SFSWAP: variants seen among roughly 807,000 people sequenced by gnomAD.
SFSWAP encodes splicing factor SWAP, also known as splicing factor, suppressor of white-apricot homolog.
SFSWAP carries 17 observed loss-of-function variants against 100.7 expected under a neutral mutation model. The ratio of observed to expected loss-of-function variants is 0.17; its 90% CI spans 0.12 to 0.25. The LOEUF (loss-of-function observed/expected upper bound fraction) is 0.25. Ranked by LOEUF, SFSWAP falls within the 10% of genes least tolerant of loss-of-function variation. SFSWAP has a pLI of 1.00. For synonymous variants in SFSWAP, 504 were observed against 510.1 expected (o/e 0.99, Z 0.16); for missense variants, 1,005 against 1,262.6 (o/e 0.80, Z 3.09).
chr12:131,719,340 C>A, intron 3 of SFSWAP, 114 bp from the exon 4 acceptor site: 1 of 692,412 alleles, frequency 1.4e-6, no homozygotes. Context: ...GGAGTAACAA[C>A]AGAAGGTAAA....
intron 15 of SFSWAP, among the ~76,000 whole-genome samples, chr12:131,791,978 A>G (rs1885263143): frequency 6.8e-6 from 1 of 148,018 alleles, no homozygotes; most frequent in Non-Finnish European, 1.5e-5. Flanking sequence ...ACTGGTCATT[A>G]CTGTGTGTGC....
At chr12:131,795,752 G>A (rs1287347666) in intron 15 of SFSWAP, among the ~76,000 whole-genome samples, 2 of 151,606 alleles carry the variant, frequency 1.3e-5, no homozygotes, top group East Asian at 2.0e-4. Flanking sequence ...GAGGCCAGAC[G>A]CTTGCAGCTG....
At chr12:131,776,891 G>T (rs1884067591) in intron 13 of SFSWAP, among the ~76,000 whole-genome samples, 1 of 152,250 alleles carries the variant, frequency 6.6e-6, no homozygotes, top group South Asian at 2.1e-4. Context: ...TGCTGTTGAA[G>T]GGTGCTGTCT....
At chr12:131,792,181 G>A (rs965329943) in intron 15 of SFSWAP, among the ~76,000 whole-genome samples, 1 of 150,208 alleles carries the variant, frequency 6.7e-6, no homozygotes, top group African/African-American at 2.5e-5. Context: ...TGTGTTCACA[G>A]ATCATTACTG....
At chr12:131,792,216 GATC>G (rs1885296519) in intron 15 of SFSWAP, among the ~76,000 whole-genome samples, 1 of 150,214 alleles carries the variant, frequency 6.7e-6, no homozygotes, top group South Asian at 2.1e-4. Flanking sequence ...TGTGTTCACG[GATC>G]ATTACTGTGT....
At chr12:131,726,294 C>G (rs1304288559) in intron 5 of SFSWAP, among the ~76,000 whole-genome samples, 1 of 152,158 alleles carries the variant, frequency 6.6e-6, no homozygotes, top group Non-Finnish European at 1.5e-5. Flanking sequence ...ACTGCAACCT[C>G]CGCCTCCCGG....
intron 4 of SFSWAP, among the ~76,000 whole-genome samples, chr12:131,720,018 G>A (rs542373916): frequency 6.6e-6 from 1 of 152,234 alleles, no homozygotes; most frequent in East Asian, 1.9e-4. Context: ...TCCAGGCCCA[G>A]GCCACCCTTC....
At chr12:131,749,021 A>T (rs550954591) in intron 7 of SFSWAP, among the ~76,000 whole-genome samples, 2 of 152,252 alleles carry the variant, frequency 1.3e-5, no homozygotes, top group Non-Finnish European at 2.9e-5. Context: ...CAACTCGATG[A>T]TGGTGCACAT....
chr12:131,741,227 A>G (rs1880596683), intron 7 of SFSWAP, among the ~76,000 whole-genome samples: 1 of 151,812 alleles, frequency 6.6e-6, no homozygotes, highest in African/African-American at 2.4e-5. Context: ...CGGCCCCTCA[A>G]AGTGCTGGGA....
chr12:131,766,521 C>A (rs575369957), intron 13 of SFSWAP, among the ~76,000 whole-genome samples: 1 of 152,340 alleles, frequency 6.6e-6, no homozygotes, highest in Admixed American at 6.5e-5. Flanking sequence ...GTCACGCCAG[C>A]AGCAAACACT....
At position 131,774,963 on chromosome 12, in the gene SFSWAP, G is replaced by T. The variant is rs115299829; in HGVS notation, c.2143-3102G>T. ...GGAGGCTCAAATCATTAAGTTGGCA[G>T]TAGAAATATGAATAGAAACTCAGCT... On this transcript the variant is annotated intron_variant, in intron 13 of 17. Transcript: ENST00000261674. Among the ~76,000 whole-genome samples the T allele has an allele frequency of 2.0e-3, 301 of 152,326 alleles. 3 individuals carry two copies. The highest frequency in any genetic ancestry group is 6.7e-3 in the African/African-American group (279 of 41,570).
At chr12:131,764,318 C>G (rs1295375937) in intron 11 of SFSWAP, 138 bp from the exon 12 acceptor site, 1 of 674,990 alleles carries the variant, frequency 1.5e-6, no homozygotes, top group Non-Finnish European at 2.6e-6. Flanking sequence ...GCACGGCGTC[C>G]CCCACCGTAG....
rs924577214 is a variant in SFSWAP, at chr12:131,736,942, G to A, written c.1081+8514G>A. 4.6e-5 allele frequency among the ~76,000 whole-genome samples: 7 copies of A among 152,170 alleles called. No individual in the cohort carries two copies. The South Asian group carries it at 6.2e-4, about 14-fold the overall frequency. ...GATGTGGTACTTGTGGAGGGCCAGCGGGCAGTCTATCAGTCTAAAACACAC... is the reference window on the plus strand; with the variant it reads ...GATGTGGTACTTGTGGAGGGCCAGCAGGCAGTCTATCAGTCTAAAACACAC... On this transcript the variant is annotated intron_variant, in intron 7 of 17. Coordinates refer to ENST00000261674, the MANE Select transcript of SFSWAP (RefSeq NM_004592.4).
rs756906814 is a variant in SFSWAP at position 131,795,453 on chromosome 12, G to A, written c.2535-1725G>A. Among the ~76,000 whole-genome samples, 95 of 152,200 alleles carry A rather than the reference G, an allele frequency of 6.2e-4. 1 individual carries two copies. Among genetic ancestry groups the A allele is most frequent in the Non-Finnish European group, 1.3e-3 (88 of 68,032 alleles). ...GGGCATGCTGTGGTCCCTGGCTACCGCAGCTCTGTCTAAGTTCTGCAGGGC... is the reference window on the plus strand; with the variant it reads ...GGGCATGCTGTGGTCCCTGGCTACCACAGCTCTGTCTAAGTTCTGCAGGGC... On this transcript the variant is annotated intron_variant, in intron 15 of 17. Coordinates refer to ENST00000261674, the MANE Select transcript of SFSWAP (RefSeq NM_004592.4).
intron 6 of SFSWAP, 32 bp downstream of exon 6, chr12:131,727,084 T>C: frequency 7.8e-7 from 1 of 1,287,644 alleles, no homozygotes; most frequent in Non-Finnish European, 1.1e-6. Flanking sequence ...TATATTTTTA[T>C]GCCACCACAA....
chr12:131,766,318 AATCCCACATTGGT>A lies in SFSWAP; in HGVS notation c.2142+14_2142+26del. On this transcript the variant is annotated intron_variant, in intron 13 of 17. Transcript: ENST00000261674. Reference sequence around the variant, plus strand: ...TCCTTTCAGTGTCGAGGTATAGTAAAATCCCACATTGGTATCTGCGGGGCTGTGTGATACATAG... The same window carrying A: ...TCCTTTCAGTGTCGAGGTATAGTAAAATCTGCGGGGCTGTGTGATACATAG... 1 of 1,612,682 alleles carries A rather than the reference AATCCCACATTGGT, an allele frequency of 6.2e-7. No individual in the cohort carries two copies. The highest frequency in any genetic ancestry group is 8.5e-7 in the Non-Finnish European group (1 of 1,179,198).
At chr12:131,712,991 C>T (rs747503491) in intron 1 of SFSWAP, 15 of 152,170 alleles carry the variant, frequency 9.9e-5, no homozygotes, top group Non-Finnish European at 2.1e-4. Context: ...AGGTTTACAT[C>T]AAAATCCAAT....
intron 7 of SFSWAP, among the ~76,000 whole-genome samples, chr12:131,738,885 CTTTTTTTTTTTTTTT>C (rs71072785): frequency 0.036 from 1,759 of 48,814 alleles, 107 homozygotes; most frequent in African/African-American, 0.094. Flanking sequence ...GAACATTATT[CTTTTTTTTTTTTTTT>C]TTTTTTTTTG....
At chr12:131,754,566 A>G in intron 9 of SFSWAP, 67 bp downstream of exon 9, 1 of 1,201,250 alleles carries the variant, frequency 8.3e-7, no homozygotes, top group Middle Eastern at 2.1e-4. Context: ...TTTTTTTAAA[A>G]AAATGTAGGT....
Sources: allele counts gnomAD v4.1 joint callset (sites outside exome capture counted in the v4.1 genomes callset), GRCh38; gene constraint gnomAD v4.1.1; transcripts MANE v1.5; gene names NCBI Gene and HGNC (gene_info 2026-07-23, HGNC 2026-07-21).